ANKFN1: variants seen among roughly 807,000 people sequenced by gnomAD.
ANKFN1 encodes ankyrin repeat and fibronectin type III domain containing 1.
In ANKFN1, 74 loss-of-function variants were observed where a neutral mutation model predicts 108.7. The ratio of observed to expected loss-of-function variants is 0.68; its 90% CI spans 0.56 to 0.83. ANKFN1 has a LOEUF of 0.83. Among genes scored for constraint, ANKFN1 ranks in the 40% least tolerant of loss-of-function variants. ANKFN1 has a pLI of 0.00. For missense variants in ANKFN1, 1,505 were observed against 1,382.3 expected (o/e 1.09, Z -1.41); for synonymous variants, 547 against 516.2 (o/e 1.06, Z -0.81).
At chr17:56,164,433 G>A (rs910926791) in intron 1 of ANKFN1, among the ~76,000 whole-genome samples, 7 of 152,014 alleles carry the variant, frequency 4.6e-5, no homozygotes, top group Non-Finnish European at 7.4e-5. Flanking sequence ...TGTTTCTATC[G>A]AGACTCTGTG....
At chr17:56,368,579 T>G (rs1186702730) in intron 6 of ANKFN1, among the ~76,000 whole-genome samples, 1 of 151,818 alleles carries the variant, frequency 6.6e-6, no homozygotes, top group African/African-American at 2.4e-5. Flanking sequence ...CGCGCCCGGC[T>G]GAAAATGGAC....
intron 8 of ANKFN1, among the ~76,000 whole-genome samples, chr17:56,400,754 GA>G (rs1477164992): frequency 6.6e-6 from 1 of 151,994 alleles, no homozygotes; most frequent in African/African-American, 2.4e-5. Flanking sequence ...ATCTTGAGTT[GA>G]TTTTTTTTAT....
At position 56,195,071 on chromosome 17, in the gene ANKFN1, C is replaced by T. The variant is rs182112369; in HGVS notation, c.-70-17527C>T. Among the ~76,000 whole-genome samples, 7 of 152,246 alleles carry T rather than the reference C, an allele frequency of 4.6e-5. No individual in the cohort carries two copies. In the East Asian group the frequency reaches 1.2e-3, roughly 25 times the overall value. On this transcript the variant is annotated intron_variant, in intron 1 of 20. Coordinates refer to ENST00000682825, the MANE Select transcript of ANKFN1 (RefSeq NM_001370326.1). ...GGCACATGAGTTGCATCTCTTAGCT[C>T]CCTTTTTTGCATTACAATGAATATT...
At chr17:56,239,497 A>C (rs1280909985) in intron 3 of ANKFN1, among the ~76,000 whole-genome samples, 7 of 152,182 alleles carry the variant, frequency 4.6e-5, no homozygotes, top group Non-Finnish European at 1.0e-4. Context: ...CTTTCACTCC[A>C]TAAATGTGTG....
chr17:56,470,314 T>G (rs1407087557), intron 15 of ANKFN1, among the ~76,000 whole-genome samples: 1 of 152,202 alleles, frequency 6.6e-6, no homozygotes, highest in Admixed American at 6.5e-5. Flanking sequence ...AGTAATGGGA[T>G]TGCTGGGTCA....
chr17:56,335,670 A>G (rs2045786549), intron 4 of ANKFN1, among the ~76,000 whole-genome samples: 1 of 152,178 alleles, frequency 6.6e-6, no homozygotes, highest in Non-Finnish European at 1.5e-5. Context: ...AACAGGGACA[A>G]TTTGATTTCC....
chr17:56,336,014 C>T (rs977651020), intron 4 of ANKFN1, among the ~76,000 whole-genome samples: 6 of 152,122 alleles, frequency 3.9e-5, no homozygotes, highest in Non-Finnish European at 7.4e-5. Context: ...TAATGGATTA[C>T]GTTTATTGAT....
At chr17:56,174,251 C>T in intron 1 of ANKFN1, 2 of 985,476 alleles carry the variant, frequency 2.0e-6, no homozygotes, top group Non-Finnish European at 2.4e-6. Context: ...ACTTGTGAGC[C>T]CACTCAGCCC....
chr17:56,384,276 C>G, intron 8 of ANKFN1, among the ~76,000 whole-genome samples: 1 of 152,178 alleles, frequency 6.6e-6, no homozygotes, highest in Non-Finnish European at 1.5e-5. Flanking sequence ...TAAAATTCAA[C>G]AACCCTTCAT....
Position 56,368,276 on chromosome 17 carries a change from CTT to C in ANKFN1, c.602-4350_602-4349del, listed in dbSNP as rs71137202. The C allele has an allele frequency of 2.5e-3, 162 of 65,978 alleles. 5 individuals carry two copies. Among genetic ancestry groups the C allele is most frequent in the African/African-American group, 4.2e-3 (95 of 22,518 alleles). 4.1% of individuals were successfully genotyped at this position (65,978 alleles called of 1,614,324 possible). A position where few individuals can be genotyped will look rare whatever the true frequency, so the allele number is the denominator to read the frequency against. ...CAAACTTGAATAAACTGAAAATGAA[CTT>C]TTTTTTTTTTTTTTTTTTTGAGAAG... On this transcript the variant is annotated intron_variant, in intron 6 of 20. Coordinates refer to ENST00000682825, the MANE Select transcript of ANKFN1 (RefSeq NM_001370326.1).
intron 8 of ANKFN1, among the ~76,000 whole-genome samples, chr17:56,403,042 C>G (rs2047810997): frequency 6.6e-6 from 1 of 152,040 alleles, no homozygotes; most frequent in Non-Finnish European, 1.5e-5. Context: ...CAGTTTTATT[C>G]CACTGTGGTC....
intron 8 of ANKFN1, among the ~76,000 whole-genome samples, chr17:56,410,621 C>A (rs1337562358): frequency 6.6e-6 from 1 of 152,086 alleles, no homozygotes; most frequent in African/African-American, 2.4e-5. Context: ...TGCAATAGAT[C>A]ACTAAAATTT....
At chr17:56,102,180 C>G (rs1905660684) in intron 4 of ANKFN1, among the ~76,000 whole-genome samples, 1 of 152,184 alleles carries the variant, frequency 6.6e-6, no homozygotes, top group South Asian at 2.1e-4. Flanking sequence ...TATTAACAGA[C>G]AGTAATGCAT....
chr17:56,371,574 A>C (rs146226978), intron 6 of ANKFN1, among the ~76,000 whole-genome samples: 2 of 152,216 alleles, frequency 1.3e-5, no homozygotes, highest in African/African-American at 4.8e-5. Context: ...AGGGAGTGTC[A>C]AACACATTTC....
At chr17:56,339,026 G>A (rs1598426881) in intron 4 of ANKFN1, among the ~76,000 whole-genome samples, 1 of 151,980 alleles carries the variant, frequency 6.6e-6, no homozygotes, top group East Asian at 1.9e-4. Flanking sequence ...CCATGAACAA[G>A]GAATGTCTTT....
chr17:56,112,482 A>G (rs1906023835), intron 4 of ANKFN1, among the ~76,000 whole-genome samples: 1 of 151,946 alleles, frequency 6.6e-6, no homozygotes, highest in Non-Finnish European at 1.5e-5. Flanking sequence ...ACAGAGGTAT[A>G]AAGAGTAAAA....
chr17:56,505,651 A>G (rs922642813), intron 20 of ANKFN1, among the ~76,000 whole-genome samples: 4 of 152,188 alleles, frequency 2.6e-5, no homozygotes, highest in Admixed American at 6.5e-5. Context: ...ATTTATAATA[A>G]AACTTGGTAA....
chr17:56,473,169 A>G (rs1361406198), intron 15 of ANKFN1: 1 of 152,220 alleles, frequency 6.6e-6, no homozygotes. Flanking sequence ...AGTGCTCAGT[A>G]AAAGTTGGTA....
intron 1 of ANKFN1, among the ~76,000 whole-genome samples, chr17:56,170,787 TA>T (rs1181554481): frequency 7.3e-5 from 5 of 68,254 alleles, no homozygotes; most frequent in African/African-American, 1.0e-4. Context: ...TATATATATA[TA>T]TATATATATA....
Sources: gnomAD v4.1 joint callset for allele counts (sites outside exome capture counted in the v4.1 genomes callset) on GRCh38, gnomAD v4.1.1 for gene constraint, MANE v1.5 for transcripts, NCBI Gene and HGNC (gene_info 2026-07-23, HGNC 2026-07-21) for gene names.